PLCH2: variants seen among roughly 807,000 people sequenced by gnomAD.
PLCH2 encodes the protein 1-phosphatidylinositol 4,5-bisphosphate phosphodiesterase eta-2.
In PLCH2, 98 loss-of-function variants were observed where a neutral mutation model predicts 134.7. The observed-to-expected ratio is 0.73, with a 90% CI of 0.62 to 0.86. The LOEUF is 0.86. PLCH2 is among the 40% of genes least tolerant of loss of function. PLCH2 has a pLI of 0.00. For missense variants in PLCH2, 1,994 were observed against 1,986.6 expected (o/e 1.00, Z -0.07); for synonymous variants, 974 against 827.5 (o/e 1.18, Z -3.04).
At chr1:2,484,865 T>C (rs1348528432) in intron 5 of PLCH2, among the ~76,000 whole-genome samples, 2 of 152,162 alleles carry the variant, frequency 1.3e-5, no homozygotes, top group African/African-American at 4.8e-5. Context: ...GTGCGCTCTA[T>C]GGGGCAGCCA....
intron 3 of PLCH2, 72 bp downstream of exon 3, chr1:2,480,049 T>C (rs1641876534): frequency 5.1e-6 from 8 of 1,580,558 alleles, no homozygotes; most frequent in Non-Finnish European, 6.9e-6. Context: ...TGGGGGGGCC[T>C]GTCCTTTGCC....
intron 2 of PLCH2, among the ~76,000 whole-genome samples, chr1:2,456,266 C>A (rs747912482): frequency 6.6e-6 from 1 of 152,178 alleles, no homozygotes; most frequent in African/African-American, 2.4e-5. Context: ...CCCTGGCTTC[C>A]GAGCGCAGCC....
At chr1:2,471,428 C>G (rs1231359083), upstream of PLCH2, among the ~76,000 whole-genome samples, 1 of 152,230 alleles carries the variant, frequency 6.6e-6, no homozygotes. Context: ...CTGCCGGCTG[C>G]TTGGAGGGTC....
chr1:2,498,616 C>A lies in PLCH2; in HGVS notation c.2318C>A (p.Pro773Gln). ...RIISGQQLPK[P>Q]RDSMLGDRGE... ...ATCAGTGGCCAGCAGCTTCCCAAGC[C>A]GCGCGACTCCATGCTGGGGGACCGT... The change falls in exon 17 of 22, where the codon CCG (proline) becomes CAG (glutamine). Residue 773 changes from proline (P) to glutamine (Q), a missense_variant. Pro to Gln is a moderately conservative substitution (Grantham distance 76). This residue lies in a region of PLCH2 where 1,094 missense variants were observed against 1,234.3 expected (regional missense o/e 0.89). Transcript: ENST00000378486. The surrounding 1 kb of genome is among the most constrained non-coding windows in gnomAD (Gnocchi z 5.4). 6.3e-7 allele frequency: 1 copy of A among 1,585,674 alleles called. No individual in the cohort carries two copies. The highest frequency in any genetic ancestry group is 8.6e-7 in the Non-Finnish European group (1 of 1,168,532).
Position 2,439,474 on chromosome 1 carries a change from G to T in PLCH2, c.115+8845G>T, listed in dbSNP as rs574284537. On this transcript the variant is annotated intron_variant, in intron 2 of 3. Transcript: ENST00000609981. This position sits in a 1 kb window ranked among gnomAD's most constrained non-coding sequence, Gnocchi z 4.7. ...GTTGTCTTGAGTTCTGATTGAGAAC[G>T]GGACGTCTTCAGACCAGATGCTGGT... Among the ~76,000 whole-genome samples, 5 of 152,236 alleles carry T rather than the reference G, an allele frequency of 3.3e-5. No homozygotes were observed. The highest frequency in any genetic ancestry group is 5.9e-5 in the Non-Finnish European group (4 of 68,050).
At chr1:2,483,833 G>C (rs1238530745) in intron 4 of PLCH2, among the ~76,000 whole-genome samples, 1 of 84,132 alleles carries the variant, frequency 1.2e-5, no homozygotes, top group African/African-American at 5.6e-5. Context: ...CCCCCGTGTG[G>C]GGGTGGCGCT....
the PLCH2 span, among the ~76,000 whole-genome samples, chr1:2,417,430 CCTCTGTGAGGCCG>C: frequency 1.3e-5 from 2 of 151,946 alleles, no homozygotes; most frequent in Admixed American, 1.3e-4. Context: ...TTCCCAGCCT[CCTCTGTGAGGCCG>C]GAGGGAGGGG....
At chr1:2,486,148 G>A (rs971866623) in intron 5 of PLCH2, among the ~76,000 whole-genome samples, 2 of 152,188 alleles carry the variant, frequency 1.3e-5, no homozygotes, top group African/African-American at 2.4e-5. Context: ...GTGGGAATGG[G>A]GCCTGGATAG....
intron 4 of PLCH2, among the ~76,000 whole-genome samples, chr1:2,483,945 T>G (rs190119998): frequency 0.033 from 291 of 8,776 alleles, 75 homozygotes; most frequent in East Asian, 0.056. Flanking sequence ...CCCGTGTGGG[T>G]GGCGCTGACT....
At chr1:2,478,817 TG>T (rs1262339893) in intron 2 of PLCH2, among the ~76,000 whole-genome samples, 195 bp downstream of exon 2, 2 of 152,122 alleles carry the variant, frequency 1.3e-5, no homozygotes, top group African/African-American at 4.8e-5. Context: ...CCTGCCCGCC[TG>T]GCAGAGCTCC....
Position 2,499,730 on chromosome 1 carries a change from A to T in PLCH2, c.2661+10A>T. The T allele has an allele frequency of 6.4e-7, 1 of 1,556,430 alleles. No individual in the cohort carries two copies. The highest frequency in any genetic ancestry group is 8.7e-7 in the Non-Finnish European group (1 of 1,150,336). On this transcript the variant is annotated intron_variant, in intron 20 of 21. Transcript: ENST00000378486. Reference sequence around the variant, plus strand: ...TGACATCAGCGGTAAGGTGAGTGTCACCCCCTGCCACCAGCCATCATGGGG... The same window carrying T: ...TGACATCAGCGGTAAGGTGAGTGTCTCCCCCTGCCACCAGCCATCATGGGG...
intron 2 of PLCH2, among the ~76,000 whole-genome samples, chr1:2,458,815 C>G (rs564293967): frequency 6.6e-6 from 1 of 152,352 alleles, no homozygotes; most frequent in South Asian, 2.1e-4. Context: ...GCCTCCTGTA[C>G]TCCCGAGTCT....
At chr1:2,443,956 C>T (rs1639816723) in intron 2 of PLCH2, among the ~76,000 whole-genome samples, 1 of 152,018 alleles carries the variant, frequency 6.6e-6, no homozygotes, top group Non-Finnish European at 1.5e-5. Context: ...ACGCGGGAGC[C>T]GCCCCGCAGA....
Position 2,494,885 on chromosome 1 carries a change from G to A in PLCH2, c.1689G>A (p.Gly563=). 6.2e-7 allele frequency: 1 copy of A among 1,607,126 alleles called. No individual in the cohort carries two copies. Among genetic ancestry groups the A allele is most frequent in the Non-Finnish European group, 8.5e-7 (1 of 1,177,682 alleles). ...KSKAEEDVES[G]EDAGASRRNG... The stretch of plus-strand genomic sequence containing the variant: ...AGGCTGAAGAGGACGTGGAGTCTGG[G>A]GAGGATGCCGGGGCCAGCAGACGCA... The change falls in exon 12 of 22, where the codon GGG becomes GGA. Residue 563 remains glycine, a synonymous_variant. Transcript: ENST00000378486.
At chr1:2,468,070 G>T (rs551864349) in intron 1 of PLCH2, among the ~76,000 whole-genome samples, 1 of 152,234 alleles carries the variant, frequency 6.6e-6, no homozygotes, top group Non-Finnish European at 1.5e-5. Flanking sequence ...CACACTGCTC[G>T]GGTGGGGGGC....
intron 4 of PLCH2, among the ~76,000 whole-genome samples, chr1:2,483,757 C>CCCCGTGTGGGGGGAGTTGACT (rs138594264): frequency 1.0e-5 from 1 of 96,036 alleles, no homozygotes; most frequent in African/African-American, 4.1e-5. Context: ...TGTTGTTGAC[C>CCCCGTGTGGGGGGAGTTGACT]CCCGTTTGGG....
intron 8 of PLCH2, among the ~76,000 whole-genome samples, 183 bp downstream of exon 8, chr1:2,487,901 CAGGTCT>C (rs976244222): frequency 3.9e-5 from 6 of 152,106 alleles, no homozygotes; most frequent in African/African-American, 1.4e-4. Flanking sequence ...AGTATGGCCG[CAGGTCT>C]AGGCAGGGGC....
At chr1:2,478,673 G>C in intron 2 of PLCH2, 51 bp downstream of exon 2, 1 of 1,530,650 alleles carries the variant, frequency 6.5e-7, no homozygotes, top group Non-Finnish European at 8.9e-7. Flanking sequence ...GGGGGGACAC[G>C]ACGGTAGGGA....
intron 1 of PLCH2, among the ~76,000 whole-genome samples, chr1:2,428,322 A>T (rs972588560): frequency 6.6e-6 from 1 of 152,178 alleles, no homozygotes; most frequent in African/African-American, 2.4e-5. Context: ...TGGCCCCATG[A>T]CAAGACCAGC....
Sources: allele counts gnomAD v4.1 joint callset (sites outside exome capture counted in the v4.1 genomes callset), GRCh38; gene constraint gnomAD v4.1.1; regional missense constraint gnomAD v4.1.1; non-coding constraint Gnocchi (gnomAD v3.1); transcripts MANE v1.5; gene names NCBI Gene and HGNC (gene_info 2026-07-23, HGNC 2026-07-21).